Variants in RANBP2 observed in about 807,000 individuals in gnomAD.
The protein encoded by RANBP2 is E3 SUMO-protein ligase RanBP2.
Under a neutral mutation model 303.6 loss-of-function variants are expected in RANBP2, and 57 were observed. The observed-to-expected ratio is 0.19, with a 90% CI of 0.15 to 0.23. RANBP2 has a LOEUF of 0.23. Ranked by LOEUF, RANBP2 falls within the 10% of genes least tolerant of loss-of-function variation. RANBP2 has a pLI of 1.00. For synonymous variants in RANBP2, 1,167 were observed against 1,301.5 expected, an observed-to-expected ratio of 0.90 and a Z score of 2.23; for missense variants, 3,138 against 3,780.8, an observed-to-expected ratio of 0.83 and a Z score of 4.46.
the RANBP2 span, among the ~76,000 whole-genome samples, chr2:109,494,957 C>T: frequency 6.6e-6 from 1 of 152,096 alleles, no homozygotes; most frequent in African/African-American, 2.4e-5. Context: ...GTACTGTGAG[C>T]AGCAATCTGG....
chr2:108,965,251 G>A, the RANBP2 span, among the ~76,000 whole-genome samples: 1 of 152,102 alleles, frequency 6.6e-6, no homozygotes, highest in Admixed American at 6.5e-5. Context: ...GCCGAGGCAG[G>A]CGGATCATGA....
chr2:108,779,361 C>T (rs1397349954), intron 25 of RANBP2, among the ~76,000 whole-genome samples: 3 of 152,034 alleles, frequency 2.0e-5, no homozygotes, highest in South Asian at 2.1e-4. Flanking sequence ...GATGGGGTTT[C>T]GCCATGTTGG....
the RANBP2 span, chr2:108,812,922 T>A: frequency 6.2e-7 from 1 of 1,613,464 alleles, no homozygotes; most frequent in Non-Finnish European, 8.5e-7. Flanking sequence ...TTCAAAAACT[T>A]ACAAGGTAAG....
the RANBP2 span, among the ~76,000 whole-genome samples, chr2:108,949,685 T>C: frequency 1.3e-5 from 2 of 152,142 alleles, no homozygotes; most frequent in African/African-American, 4.8e-5. Flanking sequence ...GAACTAATCA[T>C]CCAACCAGAG....
chr2:109,419,624 T>A, the RANBP2 span: 1 of 1,584,504 alleles, frequency 6.3e-7, no homozygotes, highest in Non-Finnish European at 8.6e-7. Context: ...CCTCCCAAGG[T>A]CCAGCTGCCC....
chr2:109,346,762 C>T, the RANBP2 span, among the ~76,000 whole-genome samples: 2 of 152,146 alleles, frequency 1.3e-5, no homozygotes, highest in African/African-American at 2.4e-5. Context: ...GAGCTAGTCA[C>T]GGTTTGAGAC....
chr2:109,437,453 C>A, the RANBP2 span, among the ~76,000 whole-genome samples: 2 of 152,204 alleles, frequency 1.3e-5, no homozygotes, highest in Admixed American at 6.5e-5. Flanking sequence ...AGTAAATTTA[C>A]AAATATTTAC....
chr2:108,913,197 C>T, the RANBP2 span, among the ~76,000 whole-genome samples: 5 of 152,064 alleles, frequency 3.3e-5, no homozygotes, highest in Non-Finnish European at 7.4e-5. Flanking sequence ...GATCTGCCCG[C>T]CTCGGCCTCC....
the RANBP2 span, among the ~76,000 whole-genome samples, chr2:108,804,473 T>C: frequency 6.6e-6 from 1 of 152,210 alleles, no homozygotes; most frequent in Non-Finnish European, 1.5e-5. Context: ...ATTTCTTTCA[T>C]TTCTCAAAGG....
the RANBP2 span, among the ~76,000 whole-genome samples, chr2:109,363,729 G>C: frequency 6.6e-6 from 1 of 152,050 alleles, no homozygotes; most frequent in Non-Finnish European, 1.5e-5. Context: ...TAATTTCACA[G>C]GTACAGAATT....
the RANBP2 span, among the ~76,000 whole-genome samples, chr2:109,515,757 C>T: frequency 6.6e-6 from 1 of 152,176 alleles, no homozygotes; most frequent in East Asian, 1.9e-4. Context: ...GCATTTGCAT[C>T]TGGTGAGGCC....
At chr2:109,043,084 G>A in the RANBP2 span, among the ~76,000 whole-genome samples, 1 of 152,088 alleles carries the variant, frequency 6.6e-6, no homozygotes, top group Non-Finnish European at 1.5e-5. Context: ...AGCCCCAGCA[G>A]GAACGGCCAC....
chr2:109,389,787 G>C, the RANBP2 span, among the ~76,000 whole-genome samples: 12 of 152,206 alleles, frequency 7.9e-5, no homozygotes, highest in East Asian at 2.1e-3. Context: ...GTGATCATTG[G>C]TACATCAGAA....
At chr2:109,522,032 C>T in the RANBP2 span, among the ~76,000 whole-genome samples, 8,619 of 152,144 alleles carry the variant, frequency 0.057, 840 homozygotes, top group African/African-American at 0.2. Context: ...ACAACGGCAG[C>T]GTTTTACTTC....
At chr2:109,633,323 G>A in the RANBP2 span, among the ~76,000 whole-genome samples, 1 of 152,146 alleles carries the variant, frequency 6.6e-6, no homozygotes, top group Admixed American at 6.5e-5. Flanking sequence ...AATCCAGGAG[G>A]TGGAGGTTGC....
the RANBP2 span, chr2:108,929,996 T>A: frequency 8.1e-7 from 1 of 1,229,784 alleles, no homozygotes; most frequent in Non-Finnish European, 1.1e-6. Flanking sequence ...CCAGGGAGCG[T>A]GACCGGCTGG....
chr2:108,888,976 C>G, the RANBP2 span, among the ~76,000 whole-genome samples: 45 of 151,678 alleles, frequency 3.0e-4, no homozygotes, highest in Non-Finnish European at 5.5e-4. Context: ...TTTGTTGTAC[C>G]CCATCAGTTT....
At chr2:109,174,132 G>T in the RANBP2 span, among the ~76,000 whole-genome samples, 2 of 152,256 alleles carry the variant, frequency 1.3e-5, no homozygotes, top group Admixed American at 1.3e-4. Context: ...CTGTGCCATA[G>T]GGCAGAGCCT....
the RANBP2 span, among the ~76,000 whole-genome samples, chr2:109,168,260 A>G: frequency 5.8e-4 from 88 of 152,296 alleles, 1 homozygote; most frequent in East Asian, 0.015. Flanking sequence ...TCACCACCTG[A>G]TGGGGTCTGA....
Sources: allele counts gnomAD v4.1 joint callset (sites outside exome capture counted in the v4.1 genomes callset), GRCh38; gene constraint gnomAD v4.1.1; transcripts MANE v1.5; gene names NCBI Gene and HGNC (gene_info 2026-07-23, HGNC 2026-07-21).